Variants in CNIH3 observed in about 807,000 individuals in gnomAD.
CNIH3 encodes cornichon family AMPA receptor auxiliary protein 3.
In CNIH3, 14 loss-of-function variants were observed where a neutral mutation model predicts 24.1. That is an observed-to-expected ratio of 0.58 (90% CI 0.38 to 0.91). CNIH3 has a LOEUF of 0.91. Among genes scored for constraint, CNIH3 ranks in the 40% least tolerant of loss-of-function variants. CNIH3 has a pLI of 0.00. For missense variants in CNIH3, 178 were observed against 196.8 expected (o/e 0.90, Z 0.57); for synonymous variants, 68 against 73.8 (o/e 0.92, Z 0.40).
At chr1:224,475,044 C>CAAAAAA (rs542566183) in intron 1 of CNIH3, among the ~76,000 whole-genome samples, 1 of 91,840 alleles carries the variant, frequency 1.1e-5, no homozygotes, top group Non-Finnish European at 2.1e-5. Flanking sequence ...GACTCCATCT[C>CAAAAAA]AAAAAAAAAA....
intron 5 of CNIH3, among the ~76,000 whole-genome samples, chr1:224,584,749 T>C (rs76641450): frequency 0.047 from 7,103 of 152,306 alleles, 191 homozygotes; most frequent in East Asian, 0.085. Flanking sequence ...AATTTGTTTC[T>C]TTGGAATATT....
chr1:224,602,094 G>A (rs1270654831), intron 3 of CNIH3, among the ~76,000 whole-genome samples: 1 of 152,060 alleles, frequency 6.6e-6, no homozygotes, highest in Non-Finnish European at 1.5e-5. Flanking sequence ...AGTTTTAAAT[G>A]TCTCATTTAA....
At chr1:224,574,624 G>A (rs1191769413) in intron 4 of CNIH3, 3 of 855,960 alleles carry the variant, frequency 3.5e-6, no homozygotes, top group Non-Finnish European at 6.1e-6. Flanking sequence ...GAGAAGCTCA[G>A]GGAGCAGGTG....
chr1:224,494,567 TG>T (rs1677358070), intron 1 of CNIH3, among the ~76,000 whole-genome samples: 2 of 152,218 alleles, frequency 1.3e-5, no homozygotes, highest in South Asian at 4.1e-4. Context: ...TCTTTGCTTG[TG>T]GCTGAAGCCG....
chr1:224,491,117 T>C (rs1324993738), intron 1 of CNIH3, among the ~76,000 whole-genome samples: 18 of 152,182 alleles, frequency 1.2e-4, no homozygotes, highest in East Asian at 1.9e-4. Flanking sequence ...TACTCAAATA[T>C]AGAAATACGG....
Position 224,684,791 on chromosome 1 carries a change from G to C in CNIH3, c.151-5G>C. 6.2e-7 allele frequency: 1 copy of C among 1,613,888 alleles called. No individual in the cohort carries two copies. Among genetic ancestry groups the C allele is most frequent in the Non-Finnish European group, 8.5e-7 (1 of 1,179,764 alleles). ...CTCTCATTTCTTTCTTGTGCATCCT[G>C]ATAGAGGGAACGGTTGAGGAACATC... On this transcript the variant is annotated splice_polypyrimidine_tract_variant and splice_region_variant and intron_variant, in intron 2 of 5. Transcript: ENST00000272133. The surrounding 1 kb of genome is among the most constrained non-coding windows in gnomAD (Gnocchi z 4.2).
chr1:224,468,106 C>A (rs1572303046), intron 1 of CNIH3, among the ~76,000 whole-genome samples: 1 of 152,050 alleles, frequency 6.6e-6, no homozygotes, highest in South Asian at 2.1e-4. Context: ...ATTTAGTAAG[C>A]CTTAACATTG....
intron 3 of CNIH3, among the ~76,000 whole-genome samples, chr1:224,698,093 G>A (rs1055429028): frequency 1.6e-4 from 24 of 152,196 alleles, no homozygotes; most frequent in African/African-American, 5.5e-4. Flanking sequence ...CTCCAGAACT[G>A]AGTTTCACTG....
intron 1 of CNIH3, among the ~76,000 whole-genome samples, chr1:224,632,697 G>T (rs1176452117): frequency 6.6e-6 from 1 of 152,114 alleles, no homozygotes; most frequent in Non-Finnish European, 1.5e-5. Flanking sequence ...GGGATTTCAA[G>T]CCACTTGGTC....
At chr1:224,554,602 G>A (rs944715788) in intron 3 of CNIH3, among the ~76,000 whole-genome samples, 3 of 150,470 alleles carry the variant, frequency 2.0e-5, no homozygotes, top group East Asian at 1.9e-4. Context: ...TTGTTGTTTC[G>A]AGTCAGGGTC....
intron 5 of CNIH3, among the ~76,000 whole-genome samples, chr1:224,587,797 CG>C (rs1451671809): frequency 6.6e-6 from 1 of 151,706 alleles, no homozygotes; most frequent in African/African-American, 2.4e-5. Context: ...AAAAAAATAG[CG>C]GGGCATGGTG....
chr1:224,575,363 G>C (rs1237211553), intron 4 of CNIH3: 1 of 1,077,574 alleles, frequency 9.3e-7, no homozygotes, highest in African/African-American at 1.5e-5. Context: ...CTCCCACAAG[G>C]ATTACCCCTT....
intron 3 of CNIH3, among the ~76,000 whole-genome samples, chr1:224,715,261 G>A (rs185458062): frequency 2.6e-5 from 4 of 152,210 alleles, no homozygotes; most frequent in Admixed American, 6.5e-5. Context: ...TCCTGACTCT[G>A]CACCCTCTGG....
In CNIH3 at chr1:224,551,182, A is replaced by C. The variant is rs565901040; in HGVS notation, n.450+4243A>C. Among the ~76,000 whole-genome samples, 366 of 152,160 alleles carry C rather than the reference A, an allele frequency of 2.4e-3. 2 individuals carry two copies. The Middle Eastern group carries it at 0.027, about 11-fold the overall frequency. ...TGTGGCGATTCCTCAGGGATCTAGA[A>C]CTAGAAATACCATTTGACCCAGCAA... On this transcript the variant is annotated intron_variant and non_coding_transcript_variant, in intron 3 of 5. Transcript: ENST00000471578.
chr1:224,528,366 G>T (rs1209950644), intron 2 of CNIH3, among the ~76,000 whole-genome samples: 1 of 152,082 alleles, frequency 6.6e-6, no homozygotes, highest in Non-Finnish European at 1.5e-5. Context: ...TATTGTACAG[G>T]TTGGAGTGCA....
chr1:224,557,949 G>T (rs1191210984), intron 3 of CNIH3, among the ~76,000 whole-genome samples: 1 of 152,220 alleles, frequency 6.6e-6, no homozygotes, highest in African/African-American at 2.4e-5. Context: ...AAAGGAAAAG[G>T]CTTAGAAGAG....
chr1:224,449,798 G>A (rs996657418), intron 1 of CNIH3, among the ~76,000 whole-genome samples: 1 of 152,020 alleles, frequency 6.6e-6, no homozygotes, highest in Non-Finnish European at 1.5e-5. Context: ...TTAAGAACTG[G>A]CCAATACCTG....
At chr1:224,446,818 G>T (rs1390196269) in intron 1 of CNIH3, among the ~76,000 whole-genome samples, 1 of 152,100 alleles carries the variant, frequency 6.6e-6, no homozygotes, top group African/African-American at 2.4e-5. Context: ...GGTGAGGAAG[G>T]AAAGAGTCTC....
At chr1:224,493,279 A>G (rs1373237737) in intron 1 of CNIH3, among the ~76,000 whole-genome samples, 2 of 152,194 alleles carry the variant, frequency 1.3e-5, no homozygotes, top group Non-Finnish European at 2.9e-5. Context: ...GAAATTTTAA[A>G]TTTGCAGAAC....
Sources: gnomAD v4.1 joint callset for allele counts (sites outside exome capture counted in the v4.1 genomes callset) on GRCh38, gnomAD v4.1.1 for gene constraint, Gnocchi (gnomAD v3.1) non-coding constraint, MANE v1.5 for transcripts, NCBI Gene and HGNC (gene_info 2026-07-23, HGNC 2026-07-21) for gene names.